Variants in CHD9 observed in about 807,000 individuals in gnomAD.
CHD9 encodes the protein ATP-dependent chromatin remodeler CHD9.
A neutral mutation model predicts 316.1 loss-of-function variants in CHD9; 77 were observed. The observed-to-expected ratio is 0.24, with a 90% CI of 0.20 to 0.29. CHD9 has a LOEUF of 0.29. Ranked by LOEUF, CHD9 falls within the 10% of genes least tolerant of loss-of-function variation. The probability of loss-of-function intolerance (pLI) is 1.00; values close to 1 mark genes in which losing one functional copy is unlikely to be tolerated. For synonymous variants in CHD9, 1,129 were observed against 1,158.3 expected, an observed-to-expected ratio of 0.97 and a Z score of 0.51; for missense variants, 2,763 against 3,438.1, an observed-to-expected ratio of 0.80 and a Z score of 4.91.
intron 12 of CHD9, among the ~76,000 whole-genome samples, chr16:53,239,676 G>A (rs1001222930): frequency 6.6e-6 from 1 of 152,076 alleles, no homozygotes; most frequent in Non-Finnish European, 1.5e-5. Context: ...AGAGGTTGAA[G>A]TAAGATAATG....
intron 2 of CHD9, among the ~76,000 whole-genome samples, chr16:53,183,701 G>A (rs996034751): frequency 1.3e-5 from 2 of 152,048 alleles, no homozygotes; most frequent in Admixed American, 6.6e-5. Flanking sequence ...GTCGCTTGAG[G>A]CCAGGAGTTC....
At chr16:53,065,790 G>T (rs572786594) in intron 1 of CHD9, among the ~76,000 whole-genome samples, 1 of 152,182 alleles carries the variant, frequency 6.6e-6, no homozygotes, top group East Asian at 1.9e-4. Context: ...CTTTGGTACT[G>T]CCTTTTTGGA....
Position 53,245,657 on chromosome 16 carries a change from A to G in CHD9, c.3261A>G (p.Glu1087=), listed in dbSNP as rs1555522160. 7 of 1,608,432 alleles carry G rather than the reference A, an allele frequency of 4.4e-6. No individual in the cohort carries two copies. The highest frequency in any genetic ancestry group is 1.3e-5 in the African/African-American group (1 of 74,632). Residue 1087 remains glutamate, a synonymous_variant, in exon 15 of 39, where the codon GAA becomes GAG. Coordinates refer to ENST00000447540, the MANE Select transcript of CHD9 (RefSeq NM_001308319.2). The surrounding 1 kb of genome is among the most constrained non-coding windows in gnomAD (Gnocchi z 4.1). ...TGAGACGATTAAAAGAAGATGTGGA[A>G]AAGAAGTTGGCACCTAAAGAAGAAA... The part of the protein sequence containing the change: ...MMLRRLKEDV[E]KKLAPKEETI...
intron 2 of CHD9, among the ~76,000 whole-genome samples, chr16:53,181,040 C>T (rs1406982003): frequency 1.4e-5 from 2 of 144,616 alleles, no homozygotes; most frequent in African/African-American, 2.6e-5. Context: ...GACAGAGTTT[C>T]GCTGTTGTTG....
At chr16:53,207,619 C>T (rs1420609936) in intron 2 of CHD9, among the ~76,000 whole-genome samples, 2 of 151,570 alleles carry the variant, frequency 1.3e-5, no homozygotes, top group Admixed American at 6.6e-5. Flanking sequence ...GGTTCATTTG[C>T]ATGACCTCTT....
chr16:53,190,007 T>C (rs189922339), intron 2 of CHD9, among the ~76,000 whole-genome samples: 29 of 152,216 alleles, frequency 1.9e-4, no homozygotes, highest in African/African-American at 6.5e-4. Flanking sequence ...CTTTTGAGTA[T>C]TCTAAAAATG....
chr16:53,115,081 A>C (rs930315497), intron 1 of CHD9, among the ~76,000 whole-genome samples: 2 of 152,198 alleles, frequency 1.3e-5, no homozygotes, highest in African/African-American at 4.8e-5. Flanking sequence ...AGATTAACTT[A>C]GGTTACTTGA....
chr16:53,190,940 A>G (rs1019371805), intron 2 of CHD9, among the ~76,000 whole-genome samples: 10 of 152,132 alleles, frequency 6.6e-5, no homozygotes, highest in African/African-American at 1.7e-4. Context: ...TTTAAAATCA[A>G]TTTTATTGAG....
At chr16:53,267,853 C>A in intron 21 of CHD9, 74 bp from the exon 22 acceptor site, 1 of 1,329,958 alleles carries the variant, frequency 7.5e-7, no homozygotes. Flanking sequence ...GTTTTTCATT[C>A]CTTTTATCTA....
chr16:53,155,266 A>C (rs1350950546), intron 1 of CHD9, among the ~76,000 whole-genome samples: 2 of 151,972 alleles, frequency 1.3e-5, no homozygotes, highest in African/African-American at 4.8e-5. Context: ...TCTGTTGCCC[A>C]GGCTGGAGTG....
chr16:53,120,929 A>G (rs1490271900), intron 1 of CHD9, among the ~76,000 whole-genome samples: 2 of 151,580 alleles, frequency 1.3e-5, no homozygotes, highest in Non-Finnish European at 1.5e-5. Flanking sequence ...TCACTTGAAC[A>G]TGGAAGTTGG....
At chr16:53,285,446 T>C (rs996643082) in intron 24 of CHD9, 150 bp from the exon 25 acceptor site, 4 of 422,998 alleles carry the variant, frequency 9.5e-6, no homozygotes, top group Non-Finnish European at 1.7e-5. Flanking sequence ...TTTCGTAATT[T>C]TAATTGGTGG....
rs538699672 is a variant in CHD9, at chr16:53,321,444, A to G, written c.7714-82A>G. The G allele has an allele frequency of 5.5e-5, 77 of 1,411,448 alleles. No homozygotes were observed. The Admixed American group carries it at 8.1e-4, about 15-fold the overall frequency. The allele number at this position is 1,411,448 out of a possible 1,614,324, so 87.4% of individuals were successfully genotyped here. Reference sequence around the variant, plus strand: ...AAAAATATGTATTTTAAGGAAATAAACTCTGTAGAGCATACAATAAAAGCA... The same window carrying G: ...AAAAATATGTATTTTAAGGAAATAAGCTCTGTAGAGCATACAATAAAAGCA... On this transcript the variant is annotated intron_variant, in intron 37 of 38. Transcript: ENST00000447540.
intron 1 of CHD9, among the ~76,000 whole-genome samples, chr16:53,104,886 A>G (rs1054928933): frequency 6.6e-6 from 1 of 152,122 alleles, no homozygotes; most frequent in Non-Finnish European, 1.5e-5. Flanking sequence ...ATTTTAAAAA[A>G]TCATTTAATG....
chr16:53,276,310 A>C (rs2052815147), intron 24 of CHD9, among the ~76,000 whole-genome samples: 1 of 152,348 alleles, frequency 6.6e-6, no homozygotes, highest in Admixed American at 6.5e-5. Flanking sequence ...CAAGCAAGCC[A>C]TGCTGAATGA....
At chr16:53,122,194 TTTA>T (rs2038770202) in intron 1 of CHD9, 1 of 152,170 alleles carries the variant, frequency 6.6e-6, no homozygotes, top group South Asian at 2.1e-4. Context: ...TTGTTCAATA[TTTA>T]TTATATGTTT....
chr16:53,296,510 G>A (rs371916539), intron 29 of CHD9, among the ~76,000 whole-genome samples: 3 of 134,454 alleles, frequency 2.2e-5, no homozygotes, highest in Non-Finnish European at 3.0e-5. Context: ...GCACAATCTC[G>A]GCTCACTGCA....
At position 53,226,369 on chromosome 16, in the gene CHD9, A is replaced by G. The variant is rs1444956573; in HGVS notation, c.1900A>G (p.Arg634Gly). The change falls in exon 5 of 39, where the codon AGA (arginine) becomes GGA (glycine). Residue 634 changes from arginine (R) to glycine (G), a missense_variant. Arg to Gly is a moderately radical substitution (Grantham distance 125, BLOSUM62 -2). Transcript: ENST00000447540. Reference protein sequence around the residue: ...HTLKDQDSQKRRSNRQIKRKK... With the variant: ...HTLKDQDSQKGRSNRQIKRKK... ...TGATTCTTGTGGTTCATTACAGAAA[A>G]GAAGATCAAATCGACAAATTAAAAG... 3.9e-6 allele frequency: 6 copies of G among 1,553,356 alleles called. No individual in the cohort carries two copies. Among genetic ancestry groups the G allele is most frequent in the Non-Finnish European group, 5.2e-6 (6 of 1,151,914 alleles).
chr16:53,230,915 A>G (rs762103567), intron 8 of CHD9, among the ~76,000 whole-genome samples: 1 of 148,202 alleles, frequency 6.7e-6, no homozygotes, highest in Non-Finnish European at 1.5e-5. Context: ...GGCTATGGAG[A>G]GGAAGCTCTG....
Sources: gnomAD v4.1 joint callset for allele counts (sites outside exome capture counted in the v4.1 genomes callset) on GRCh38, gnomAD v4.1.1 for gene constraint, Gnocchi (gnomAD v3.1) non-coding constraint, MANE v1.5 for transcripts, NCBI Gene and HGNC (gene_info 2026-07-23, HGNC 2026-07-21) for gene names.